Variants in EFEMP1 observed in about 807,000 individuals in gnomAD.
EFEMP1 encodes EGF-containing fibulin-like extracellular matrix protein 1.
Under a neutral mutation model 65.7 loss-of-function variants are expected in EFEMP1, and 18 were observed. The observed-to-expected ratio is 0.27, with a 90% CI of 0.19 to 0.41. The LOEUF is 0.41. EFEMP1 is among the 10% of genes least tolerant of loss of function. The probability of loss-of-function intolerance (pLI) is 1.00; values close to 1 mark genes in which losing one functional copy is unlikely to be tolerated. For missense variants in EFEMP1, 469 were observed against 624.8 expected (o/e 0.75, Z 2.66); for synonymous variants, 237 against 219.7 (o/e 1.08, Z -0.70).
intron 5 of EFEMP1, among the ~76,000 whole-genome samples, chr2:55,893,266 T>A (rs980604169): frequency 1.1e-4 from 17 of 152,224 alleles, no homozygotes; most frequent in Non-Finnish European, 7.4e-5. Context: ...TGCTAGCTTT[T>A]TTTTACTAGC....
At position 55,923,023 on chromosome 2, in the gene EFEMP1, C is replaced by T. The variant is rs955048218; in HGVS notation, c.-48-84G>A. 1.1e-6 allele frequency: 1 copy of T among 949,332 alleles called. No individual in the cohort carries two copies. Among genetic ancestry groups the T allele is most frequent in the Non-Finnish European group, 1.3e-6 (1 of 788,606 alleles). The allele number at this position is 949,332 out of a possible 1,614,324, so 58.8% of individuals were successfully genotyped here. ...AAAACAAAACTCGGAGAGCAATCTT[C>T]CAGTTCTAGTAGAATACTAGACCTT... is the stretch of plus-strand genomic sequence containing the variant. On this transcript the variant is annotated intron_variant, in intron 1 of 11. Transcript: ENST00000355426. The surrounding 1 kb of genome is among the most constrained non-coding windows in gnomAD (Gnocchi z 5.3).
chr2:55,899,440 G>A (rs1669951964), intron 5 of EFEMP1, among the ~76,000 whole-genome samples: 1 of 152,200 alleles, frequency 6.6e-6, no homozygotes, highest in African/African-American at 2.4e-5. Flanking sequence ...CAAATGCATG[G>A]ATGGTGCAGA....
intron 5 of EFEMP1, among the ~76,000 whole-genome samples, chr2:55,916,630 T>G (rs998824239): frequency 6.6e-6 from 1 of 152,158 alleles, no homozygotes; most frequent in African/African-American, 2.4e-5. Context: ...CTGGACCCTT[T>G]CCATTGGCCC....
Position 55,870,732 on chromosome 2 carries a change from C to G in EFEMP1, c.1308G>C (p.Glu436Asp). 6 of 1,613,638 alleles carry G rather than the reference C, an allele frequency of 3.7e-6. No homozygotes were observed. Among genetic ancestry groups the G allele is most frequent in the Non-Finnish European group, 5.1e-6 (6 of 1,179,702 alleles). Residue 436 changes from glutamate (E) to aspartate (D), a missense_variant, in exon 11 of 12, where the codon GAG (glutamate) becomes GAC (aspartate). Physicochemically the swap from Glu to Asp is conservative, Grantham distance 45. Transcript: ENST00000355426. This position sits in a 1 kb window ranked among gnomAD's most constrained non-coding sequence, Gnocchi z 5.8. The stretch of plus-strand genomic sequence containing the variant: ...TCAGGATACTTACTCGTAGGTAGAA[C>G]TCTCCATTTTCATTTCCAGATTTAA... ...FRIKSGNENG[E>D]FYLRQTSPVS...
At chr2:55,890,557 AG>A (rs1558471584) in intron 5 of EFEMP1, among the ~76,000 whole-genome samples, 1 of 152,140 alleles carries the variant, frequency 6.6e-6, no homozygotes, top group Non-Finnish European at 1.5e-5. Flanking sequence ...CTGGCATTAA[AG>A]TAAGTCTAAA....
At chr2:55,872,224 C>T (rs899556924) in intron 9 of EFEMP1, among the ~76,000 whole-genome samples, 4 of 152,092 alleles carry the variant, frequency 2.6e-5, no homozygotes, top group Non-Finnish European at 4.4e-5. Flanking sequence ...CATGAATTTA[C>T]TCATTCCATA....
chr2:55,875,645 A>G (rs1669004629), intron 8 of EFEMP1, among the ~76,000 whole-genome samples: 3 of 152,004 alleles, frequency 2.0e-5, no homozygotes, highest in Admixed American at 2.0e-4. Context: ...GACGGCCTTC[A>G]TTTTGGACTC....
At position 55,876,745 on chromosome 2, in the gene EFEMP1, GA is replaced by G. The variant is rs758279735; in HGVS notation, c.761-4del. ...GCTGGCATCACATTCATTTATATCT[GA>G]AAAAAAGTTTTATATATATATATAT... On this transcript the variant is annotated splice_polypyrimidine_tract_variant and splice_region_variant and intron_variant, in intron 7 of 11. Coordinates refer to ENST00000355426, the MANE Select transcript of EFEMP1 (RefSeq NM_001039348.3). 5 of 1,587,406 alleles carry G rather than the reference GA, an allele frequency of 3.1e-6. No individual in the cohort carries two copies. In the South Asian group the frequency reaches 4.5e-5, roughly 14 times the overall value.
Position 55,883,788 on chromosome 2 carries a change from GTAGATTTTAAAC to G in EFEMP1, c.518-2066_518-2055del. On this transcript the variant is annotated intron_variant, in intron 5 of 11. Coordinates refer to ENST00000355426, the MANE Select transcript of EFEMP1 (RefSeq NM_001039348.3). The surrounding 1 kb of genome is among the most constrained non-coding windows in gnomAD (Gnocchi z 4.5). ...TCCAGTGGAATTAATGTATCATTAA[GTAGATTTTAAAC>G]ACAAAAACCTGTGCTACTCCTTCTT... Among the ~76,000 whole-genome samples the G allele has an allele frequency of 6.6e-6, 1 of 152,266 alleles. No homozygotes were observed. Among genetic ancestry groups the G allele is most frequent in the East Asian group, 1.9e-4 (1 of 5,192 alleles).
rs1224388214 is a variant in EFEMP1 at position 55,867,955 on chromosome 2, G to C, written c.1321-721C>G. On this transcript the variant is annotated intron_variant, in intron 11 of 11. Coordinates refer to ENST00000355426, the MANE Select transcript of EFEMP1 (RefSeq NM_001039348.3). The surrounding 1 kb of genome is among the most constrained non-coding windows in gnomAD (Gnocchi z 4.3). The stretch of plus-strand genomic sequence containing the variant: ...GTGTGAGTTTGAATGCCAAGGGATA[G>C]AGTCATGGATTAGTATTTAGCAGTC... Among the ~76,000 whole-genome samples the C allele has an allele frequency of 2.0e-5, 3 of 152,162 alleles. No homozygotes were observed. The highest frequency in any genetic ancestry group is 2.9e-5 in the Non-Finnish European group (2 of 68,022).
chr2:55,922,507 C>T lies in EFEMP1; in HGVS notation c.-7-60G>A. 1 of 1,486,196 alleles carries T rather than the reference C, an allele frequency of 6.7e-7. No individual in the cohort carries two copies. Among genetic ancestry groups the T allele is most frequent in the Non-Finnish European group, 9.4e-7 (1 of 1,067,420 alleles). The allele number at this position is 1,486,196 out of a possible 1,614,324, so 92.1% of individuals were successfully genotyped here. A position where few individuals can be genotyped will look rare whatever the true frequency, so the allele number is the denominator to read the frequency against. On this transcript the variant is annotated intron_variant, in intron 2 of 11. Coordinates refer to ENST00000355426, the MANE Select transcript of EFEMP1 (RefSeq NM_001039348.3). The surrounding 1 kb of genome is among the most constrained non-coding windows in gnomAD (Gnocchi z 5.5). ...ATCTGCTGCGGGGAAAGTAACAAAACTTTAGCAGTGAGCACAAGCGAGGAA... is the reference window on the plus strand; with the variant it reads ...ATCTGCTGCGGGGAAAGTAACAAAATTTTAGCAGTGAGCACAAGCGAGGAA...
chr2:55,871,140 T>C lies in EFEMP1; in HGVS notation c.1001-17A>G. On this transcript the variant is annotated splice_polypyrimidine_tract_variant and intron_variant, in intron 9 of 11. Transcript: ENST00000355426. This position sits in a 1 kb window ranked among gnomAD's most constrained non-coding sequence, Gnocchi z 4.2. ...CATTTATATCTGTAGAGATGTAGGG[T>C]CAAAGAGTTTACTAACTAAACTAAT... is the stretch of plus-strand genomic sequence containing the variant. 6.2e-7 allele frequency: 1 copy of C among 1,613,218 alleles called. No individual in the cohort carries two copies. Among genetic ancestry groups the C allele is most frequent in the Non-Finnish European group, 8.5e-7 (1 of 1,179,492 alleles).
At chr2:55,916,085 C>G (rs1572848392) in intron 5 of EFEMP1, among the ~76,000 whole-genome samples, 1 of 150,724 alleles carries the variant, frequency 6.6e-6, no homozygotes, top group Non-Finnish European at 1.5e-5. Context: ...AAATAAGAGT[C>G]AGAGCATGAC....
intron 5 of EFEMP1, among the ~76,000 whole-genome samples, chr2:55,911,179 G>A (rs1340811822): frequency 6.6e-6 from 1 of 152,052 alleles, no homozygotes; most frequent in East Asian, 1.9e-4. Flanking sequence ...CATGTCCTTG[G>A]TTCAGGGATA....
chr2:55,867,001 A>T lies in EFEMP1; in HGVS notation c.*72T>A. 6.3e-7 allele frequency: 1 copy of T among 1,581,212 alleles called. No homozygotes were observed. The highest frequency in any genetic ancestry group is 8.7e-7 in the Non-Finnish European group (1 of 1,152,878). On this transcript the variant is annotated 3_prime_UTR_variant, in exon 12 of 12. Coordinates refer to ENST00000355426, the MANE Select transcript of EFEMP1 (RefSeq NM_001039348.3). The surrounding 1 kb of genome is among the most constrained non-coding windows in gnomAD (Gnocchi z 4.3). ...TGTAGATGCACTAGATATATCTATAAATAAAATAGTGCTTTAAGGTAACAA... is the reference window on the plus strand; with the variant it reads ...TGTAGATGCACTAGATATATCTATATATAAAATAGTGCTTTAAGGTAACAA...
At chr2:55,912,555 A>G (rs1048706019) in intron 5 of EFEMP1, among the ~76,000 whole-genome samples, 18 of 152,322 alleles carry the variant, frequency 1.2e-4, no homozygotes, top group African/African-American at 3.8e-4. Flanking sequence ...TTTTCAAAAG[A>G]GTAGTTTAGT....
chr2:55,896,809 T>G (rs1358759760), intron 5 of EFEMP1, among the ~76,000 whole-genome samples: 1 of 152,210 alleles, frequency 6.6e-6, no homozygotes, highest in Non-Finnish European at 1.5e-5. Flanking sequence ...CATCTTTCAT[T>G]TTGTATAAAT....
Position 55,921,931 on chromosome 2 carries a change from A to G in EFEMP1, c.81+429T>C, listed in dbSNP as rs947867908. ...TTACTTGAGAATGCATGTCATGTAC[A>G]CAAAGAAGGCCATGTGTCTTTATGG... On this transcript the variant is annotated intron_variant, in intron 3 of 11. Coordinates refer to ENST00000355426, the MANE Select transcript of EFEMP1 (RefSeq NM_001039348.3). The surrounding 1 kb of genome is among the most constrained non-coding windows in gnomAD (Gnocchi z 4.1). The G allele has an allele frequency of 5.0e-5, 11 of 219,520 alleles. No homozygotes were observed. The highest frequency in any genetic ancestry group is 2.8e-5 in the Non-Finnish European group (3 of 107,748). The allele number at this position is 219,520 out of a possible 1,614,324, so 13.6% of individuals were successfully genotyped here. A position where few individuals can be genotyped will look rare whatever the true frequency, so the allele number is the denominator to read the frequency against.
intron 5 of EFEMP1, among the ~76,000 whole-genome samples, chr2:55,898,006 A>T (rs1023470095): frequency 6.6e-6 from 1 of 152,180 alleles, no homozygotes; most frequent in African/African-American, 2.4e-5. Flanking sequence ...AAACATGCTA[A>T]AATAAGAGTA....
Sources: gnomAD v4.1 joint callset for allele counts (sites outside exome capture counted in the v4.1 genomes callset) on GRCh38, gnomAD v4.1.1 for gene constraint, Gnocchi (gnomAD v3.1) non-coding constraint, MANE v1.5 for transcripts, NCBI Gene and HGNC (gene_info 2026-07-23, HGNC 2026-07-21) for gene names.